Variants in CADM2 observed in about 807,000 individuals in gnomAD.
The protein encoded by CADM2 is immunoglobulin superfamily member 4D.
A neutral mutation model predicts 49.8 loss-of-function variants in CADM2; 12 were observed. That is an observed-to-expected ratio of 0.24 (90% CI 0.15 to 0.39). CADM2 has a LOEUF of 0.39. Ranked by LOEUF, CADM2 falls within the 10% of genes least tolerant of loss-of-function variation. CADM2 has a pLI of 1.00. For synonymous variants in CADM2, 214 were observed against 175.4 expected, an observed-to-expected ratio of 1.22 and a Z score of -1.74; for missense variants, 378 against 492.3, an observed-to-expected ratio of 0.77 and a Z score of 2.20.
chr3:85,833,418 T>C (rs1457660473), intron 3 of CADM2, among the ~76,000 whole-genome samples: 1 of 151,740 alleles, frequency 6.6e-6, no homozygotes, highest in East Asian at 1.9e-4. Context: ...GTAACAGTTC[T>C]TCATACATCT....
At chr3:85,902,366 T>C (rs1300217537) in intron 5 of CADM2, among the ~76,000 whole-genome samples, 3 of 152,046 alleles carry the variant, frequency 2.0e-5, no homozygotes, top group Admixed American at 2.0e-4. Context: ...TTGTATCATA[T>C]ATTATTTTTC....
At chr3:85,922,308 G>C (rs1440295162) in intron 6 of CADM2, among the ~76,000 whole-genome samples, 3 of 144,990 alleles carry the variant, frequency 2.1e-5, no homozygotes, top group Middle Eastern at 7.0e-3. Context: ...TAATTAAAAT[G>C]TGATTAATCA....
intron 1 of CADM2, among the ~76,000 whole-genome samples, chr3:85,409,076 A>T (rs1012584773): frequency 5.3e-5 from 8 of 152,216 alleles, no homozygotes; most frequent in Non-Finnish European, 8.8e-5. Context: ...CATTTATGCC[A>T]GAGTCATGCC....
intron 3 of CADM2, among the ~76,000 whole-genome samples, chr3:85,812,793 T>C (rs2072961848): frequency 6.6e-6 from 1 of 152,110 alleles, no homozygotes; most frequent in South Asian, 2.1e-4. Flanking sequence ...AGTGAGAACA[T>C]GTGGTGTTTG....
At chr3:85,965,284 T>C (rs779499698) in intron 8 of CADM2, among the ~76,000 whole-genome samples, 144 of 147,450 alleles carry the variant, frequency 9.8e-4, no homozygotes, top group Non-Finnish European at 7.5e-4. Flanking sequence ...TAAATAATCA[T>C]AATAAATATT....
chr3:85,288,073 A>G (rs112854717), intron 1 of CADM2, among the ~76,000 whole-genome samples: 10,149 of 151,908 alleles, frequency 0.067, 1,119 homozygotes, highest in African/African-American at 0.23. Flanking sequence ...TTGTGCACAT[A>G]TACCCTAAAA....
chr3:85,496,897 G>A (rs2039927640), intron 1 of CADM2, among the ~76,000 whole-genome samples: 1 of 152,126 alleles, frequency 6.6e-6, no homozygotes, highest in East Asian at 1.9e-4. Flanking sequence ...AGGCTGGAGT[G>A]CAATGGCGCC....
intron 8 of CADM2, among the ~76,000 whole-genome samples, chr3:85,991,176 A>G (rs1447278385): frequency 6.6e-6 from 1 of 152,142 alleles, no homozygotes; most frequent in Non-Finnish European, 1.5e-5. Context: ...TTATCCCCCC[A>G]CACATTTTAA....
chr3:85,185,242 G>C (rs1383173302), intron 1 of CADM2, among the ~76,000 whole-genome samples: 1 of 151,602 alleles, frequency 6.6e-6, no homozygotes, highest in Non-Finnish European at 1.5e-5. Flanking sequence ...TTCTTGGAAG[G>C]AATCATCTAT....
chr3:85,907,060 T>TA (rs1716895730), intron 5 of CADM2, among the ~76,000 whole-genome samples: 1 of 152,206 alleles, frequency 6.6e-6, no homozygotes, highest in African/African-American at 2.4e-5. Flanking sequence ...TGTGAAGCAG[T>TA]AATTACAACA....
intron 5 of CADM2, among the ~76,000 whole-genome samples, chr3:85,898,791 T>C (rs1715632475): frequency 6.6e-6 from 1 of 151,092 alleles, no homozygotes; most frequent in Non-Finnish European, 1.5e-5. Flanking sequence ...TACAATTTTG[T>C]ATGGCCATTT....
intron 1 of CADM2, among the ~76,000 whole-genome samples, chr3:85,641,479 C>A (rs1333097208): frequency 6.6e-6 from 1 of 152,100 alleles, no homozygotes; most frequent in African/African-American, 2.4e-5. Flanking sequence ...GTTGAAGCAG[C>A]CTAAGTTCTT....
At chr3:85,722,829 A>G (rs1453879768) in intron 1 of CADM2, among the ~76,000 whole-genome samples, 1 of 152,156 alleles carries the variant, frequency 6.6e-6, no homozygotes, top group Non-Finnish European at 1.5e-5. Flanking sequence ...CCTGAATTCC[A>G]TTTCAAGAAA....
At chr3:85,527,116 T>C (rs957144864) in intron 1 of CADM2, among the ~76,000 whole-genome samples, 4 of 152,118 alleles carry the variant, frequency 2.6e-5, no homozygotes, top group Non-Finnish European at 4.4e-5. Flanking sequence ...CCAGGCACGG[T>C]GTCTTACACC....
intron 1 of CADM2, among the ~76,000 whole-genome samples, chr3:85,095,513 G>A (rs1027918756): frequency 1.3e-5 from 2 of 152,052 alleles, no homozygotes; most frequent in African/African-American, 4.8e-5. Flanking sequence ...CTATATTACC[G>A]ATCCTTAAAC....
intron 6 of CADM2, among the ~76,000 whole-genome samples, chr3:85,920,458 A>G (rs1718952597): frequency 1.3e-5 from 2 of 151,874 alleles, no homozygotes; most frequent in South Asian, 2.1e-4. Context: ...GAAATGGTAT[A>G]TATGCTAGAA....
chr3:85,203,753 T>C (rs2041566253), intron 1 of CADM2, among the ~76,000 whole-genome samples: 1 of 152,210 alleles, frequency 6.6e-6, no homozygotes, highest in African/African-American at 2.4e-5. Flanking sequence ...CCATATTTCT[T>C]ACTAGCTCTA....
intron 3 of CADM2, among the ~76,000 whole-genome samples, chr3:85,816,438 A>G (rs2073209283): frequency 6.6e-6 from 1 of 152,112 alleles, no homozygotes; most frequent in South Asian, 2.1e-4. Context: ...AAATAACTAT[A>G]ATTTATAATC....
At chr3:85,530,322 G>GTTTT (rs57504567) in intron 1 of CADM2, among the ~76,000 whole-genome samples, 1,072 of 31,156 alleles carry the variant, frequency 0.034, 197 homozygotes, top group East Asian at 0.26. Context: ...TCTTTTCTCC[G>GTTTT]TTTTTTTTTT....
Sources: allele counts gnomAD v4.1 joint callset (sites outside exome capture counted in the v4.1 genomes callset), GRCh38; gene constraint gnomAD v4.1.1; transcripts MANE v1.5; gene names NCBI Gene and HGNC (gene_info 2026-07-23, HGNC 2026-07-21).